The following ZNF638 variants were observed in gnomAD, a reference collection of about 807,000 sequenced individuals.
The protein encoded by ZNF638 is CTCL tumor antigen se33-1.
ZNF638 carries 46 observed loss-of-function variants against 195.6 expected under a neutral mutation model. The ratio of observed to expected loss-of-function variants is 0.24; its 90% CI spans 0.19 to 0.30. The LOEUF (loss-of-function observed/expected upper bound fraction) is 0.30. ZNF638 is among the 10% of genes least tolerant of loss of function. The pLI is 1.00. For missense variants in ZNF638, 2,440 were observed against 2,325.3 expected (o/e 1.05, Z -1.01); for synonymous variants, 845 against 772.0 (o/e 1.09, Z -1.57).
rs191286658 is a variant in ZNF638 at position 71,348,614 on chromosome 2, G to A, written c.-202-139G>A. 123 of 1,219,500 alleles carry A rather than the reference G, an allele frequency of 1.0e-4. 1 individual carries two copies. In the South Asian group the frequency reaches 1.1e-3, roughly 11 times the overall value. The allele number at this position is 1,219,500 out of a possible 1,614,324, so 75.5% of individuals were successfully genotyped here. A position where few individuals can be genotyped will look rare whatever the true frequency, so the allele number is the denominator to read the frequency against. ...AAGTTTTTGGGAAATTTAAATCTTC[G>A]TAAGCCCTTACTCTAAAAGTATATG... On this transcript the variant is annotated intron_variant, in intron 1 of 27. Transcript: ENST00000264447.
At chr2:71,434,673 T>C (rs2080731661) in intron 27 of ZNF638, 69 bp from the exon 28 acceptor site, 1 of 1,254,326 alleles carries the variant, frequency 8.0e-7, no homozygotes, top group Non-Finnish European at 1.1e-6. Flanking sequence ...AAATATACAG[T>C]AGATAAGTTT....
chr2:71,431,530 C>A, intron 26 of ZNF638, 102 bp downstream of exon 26: 1 of 920,620 alleles, frequency 1.1e-6, no homozygotes, highest in Non-Finnish European at 1.7e-6. Flanking sequence ...GAGGCCGAGG[C>A]GGGTGGATCA....
chr2:71,399,725 G>C, intron 13 of ZNF638, 80 bp downstream of exon 13: 1 of 1,135,670 alleles, frequency 8.8e-7, no homozygotes, highest in Non-Finnish European at 1.3e-6. Context: ...TACATGTGCA[G>C]GTTTCTTACA....
At chr2:71,426,426 G>A (rs2080540909) in intron 23 of ZNF638, 34 bp from the exon 24 acceptor site, 1 of 1,493,808 alleles carries the variant, frequency 6.7e-7, no homozygotes, top group Non-Finnish European at 9.0e-7. Flanking sequence ...GTCAAAATTT[G>A]TTTACAATAC....
intron 10 of ZNF638, among the ~76,000 whole-genome samples, chr2:71,387,962 TAGAG>T (rs1311854372): frequency 1.3e-5 from 2 of 152,112 alleles, no homozygotes; most frequent in East Asian, 3.9e-4. Context: ...AGGCAGATTA[TAGAG>T]AAAGAAGTAG....
rs202150176 is a variant in ZNF638, at chr2:71,383,762, C to T, written c.2377+3197C>T. Among the ~76,000 whole-genome samples the T allele has an allele frequency of 2.2e-3, 170 of 76,676 alleles. No individual in the cohort carries two copies. In the Middle Eastern group the frequency reaches 0.056, roughly 25 times the overall value. 50.3% of individuals were successfully genotyped at this position (76,676 alleles called of 152,430 possible). On this transcript the variant is annotated intron_variant, in intron 10 of 27. Coordinates refer to ENST00000264447, the MANE Select transcript of ZNF638 (RefSeq NM_014497.5). ...AATTTTTCTTTTTTTTTTTCTTTTT[C>T]TTTTTTTTTTTTTTTTTTTAGTAGA...
chr2:71,350,042 A>C lies in ZNF638; in HGVS notation c.1088A>C (p.His363Pro), dbSNP rs151209971. 177 of 1,614,220 alleles carry C rather than the reference A, an allele frequency of 1.1e-4. 1 individual carries two copies. In the African/African-American group the frequency reaches 2.0e-3, roughly 18 times the overall value. ...HEPVINSSNV[H>P]VGSRGSKKNY... ...CCTGTGATTAATTCATCTAACGTAC[A>C]TGTTGGATCAAGAGGAAGTAAAAAG... The change falls in exon 2 of 28, where the codon CAT (histidine) becomes CCT (proline). Residue 363 changes from histidine (H) to proline (P), a missense_variant. Physicochemically the swap from His to Pro is moderately conservative, Grantham distance 77. Around this residue, in one of 5 missense-constraint regions of ZNF638, gnomAD observed 305 missense variants for 283.6 expected, o/e 1.08. Transcript: ENST00000264447.
intron 3 of ZNF638, among the ~76,000 whole-genome samples, chr2:71,361,312 C>T (rs2542508): frequency 0.91 from 138,264 of 152,262 alleles, 62,828 homozygotes; most frequent in Admixed American, 0.93. Context: ...ACTAGAGACC[C>T]CCTGGAAATT....
chr2:71,343,084 A>G (rs2078789379), intron 1 of ZNF638, among the ~76,000 whole-genome samples: 3 of 152,240 alleles, frequency 2.0e-5, no homozygotes, highest in Admixed American at 6.5e-5. Flanking sequence ...AAAACTGTAG[A>G]AGATGCCATC....
chr2:71,433,998 T>C (rs2080717551), intron 27 of ZNF638, among the ~76,000 whole-genome samples: 1 of 152,232 alleles, frequency 6.6e-6, no homozygotes, highest in African/African-American at 2.4e-5. Flanking sequence ...TATTTCATTC[T>C]AGGCCCAAGC....
intron 1 of ZNF638, among the ~76,000 whole-genome samples, chr2:71,344,158 G>A (rs1216768148): frequency 1.3e-5 from 2 of 152,094 alleles, no homozygotes; most frequent in Non-Finnish European, 2.9e-5. Flanking sequence ...ATAACAGCTT[G>A]CCCTCTACTT....
At chr2:71,351,522 C>CAA (rs2078940215) in intron 2 of ZNF638, among the ~76,000 whole-genome samples, 1 of 152,102 alleles carries the variant, frequency 6.6e-6, no homozygotes, top group Non-Finnish European at 1.5e-5. Flanking sequence ...GAGTGTTTGT[C>CAA]TGTATTCTTG....
intron 26 of ZNF638, among the ~76,000 whole-genome samples, chr2:71,432,861 C>T (rs2080694576): frequency 6.6e-6 from 1 of 152,204 alleles, no homozygotes; most frequent in Admixed American, 6.5e-5. Context: ...AAGGCAGGCA[C>T]ATCCTATAGG....
At chr2:71,347,997 A>G (rs981146693) in intron 1 of ZNF638, among the ~76,000 whole-genome samples, 42 of 152,228 alleles carry the variant, frequency 2.8e-4, no homozygotes, top group African/African-American at 9.6e-4. Context: ...TAAAGTTCAT[A>G]GAACGCTGAC....
At chr2:71,356,567 G>A (rs1157760396) in intron 3 of ZNF638, among the ~76,000 whole-genome samples, 1 of 152,108 alleles carries the variant, frequency 6.6e-6, no homozygotes, top group Admixed American at 6.5e-5. Context: ...AGACAGGTAG[G>A]CTTGCTTGAG....
Position 71,406,180 on chromosome 2 carries a change from A to C in ZNF638, c.3053A>C (p.Glu1018Ala), listed in dbSNP as rs1197898937. Residue 1018 changes from glutamate to alanine, a missense_variant, in exon 19 of 28, where the codon GAA becomes GCA. Around this residue, in one of 5 missense-constraint regions of ZNF638, gnomAD observed 1,883 missense variants for 1,739.1 expected, o/e 1.08. Transcript: ENST00000264447. ...DRFVHLDNLP[E>A]DGLQCVLCVG... is the part of the protein sequence containing the mutation. ...TTTGTACATCTTGATAATTTACCGG[A>C]AGATGGACTTCAGTGTGTACTTTGT... 3 of 1,613,784 alleles carry C rather than the reference A, an allele frequency of 1.9e-6. No individual in the cohort carries two copies. The South Asian group carries it at 3.3e-5, about 18-fold the overall frequency.
intron 1 of ZNF638, among the ~76,000 whole-genome samples, chr2:71,337,116 C>T (rs909616038): frequency 3.3e-5 from 5 of 151,514 alleles, no homozygotes; most frequent in African/African-American, 1.2e-4. Context: ...AGGTTTTCTG[C>T]CTCTTGCCAT....
At chr2:71,381,055 A>G (rs1310534994) in intron 10 of ZNF638, among the ~76,000 whole-genome samples, 7 of 152,288 alleles carry the variant, frequency 4.6e-5, no homozygotes, top group Non-Finnish European at 8.8e-5. Context: ...TGAAGCCATC[A>G]TTATGAATCC....
rs186891171 is a variant in ZNF638, at chr2:71,349,362, A to G, written c.408A>G (p.Thr136=). The change falls in exon 2 of 28, where the codon ACA becomes ACG. Residue 136 remains threonine (T), a synonymous_variant. Transcript: ENST00000264447. ...GTCCCAAAGTACAGAGCCGCTATACAAAAGAGAGTGCCTCAAGTATCTTAG... is the reference window on the plus strand; with the variant it reads ...GTCCCAAAGTACAGAGCCGCTATACGAAAGAGAGTGCCTCAAGTATCTTAG... The part of the protein sequence containing the change: ...EQSPKVQSRY[T]KESASSILAS... 2.3e-5 allele frequency: 37 copies of G among 1,614,178 alleles called. No homozygotes were observed. Among genetic ancestry groups the G allele is most frequent in the Admixed American group, 1.0e-4 (6 of 60,012 alleles).
Sources: allele counts gnomAD v4.1 joint callset (sites outside exome capture counted in the v4.1 genomes callset), GRCh38; gene constraint gnomAD v4.1.1; regional missense constraint gnomAD v4.1.1; transcripts MANE v1.5; gene names NCBI Gene and HGNC (gene_info 2026-07-23, HGNC 2026-07-21).